Variants in OPHN1 observed in about 807,000 individuals in gnomAD.
OPHN1 encodes the protein oligophrenin-1.
Under a neutral mutation model 60.7 loss-of-function variants are expected in OPHN1, and 11 were observed. The observed-to-expected ratio is 0.18, with a 90% CI of 0.11 to 0.30. The LOEUF (loss-of-function observed/expected upper bound fraction) is 0.30, where lower values mean the gene tolerates loss of function less well. Among genes scored for constraint, OPHN1 ranks in the 10% least tolerant of loss-of-function variants. The probability of loss-of-function intolerance (pLI) is 1.00; values close to 1 mark genes in which losing one functional copy is unlikely to be tolerated. For missense variants in OPHN1, 449 were observed against 611.0 expected (o/e 0.73, Z 2.80); for synonymous variants, 226 against 222.6 (o/e 1.02, Z -0.14).
intron 2 of OPHN1, among the ~76,000 whole-genome samples, chrX:68,344,551 G>T (rs745701893): frequency 9.2e-6 from 1 of 108,637 alleles, no homozygotes; most frequent in South Asian, 4.1e-4. Context: ...GGCAGAGGTT[G>T]TACCGAGCCG....
At chrX:68,268,869 A>C (rs930259407) in intron 5 of OPHN1, among the ~76,000 whole-genome samples, 1 of 112,050 alleles carries the variant, frequency 8.9e-6, no homozygotes, top group African/African-American at 3.2e-5. Context: ...AATCTCCTTT[A>C]GCTGATAGGC....
At chrX:68,257,951 T>C (rs2077872509) in intron 5 of OPHN1, among the ~76,000 whole-genome samples, 1 of 110,275 alleles carries the variant, frequency 9.1e-6, no homozygotes. Flanking sequence ...GGAAACCTCA[T>C]TTCAGCGAGA....
At chrX:68,231,112 A>T (rs1225014757) in intron 6 of OPHN1, among the ~76,000 whole-genome samples, 1 of 111,837 alleles carries the variant, frequency 8.9e-6, no homozygotes, top group African/African-American at 3.2e-5. Context: ...AACAACATGG[A>T]TGGAACTGAA....
intron 15 of OPHN1, among the ~76,000 whole-genome samples, chrX:68,181,826 A>G (rs1234133145): frequency 9.0e-6 from 1 of 111,435 alleles, no homozygotes; most frequent in Non-Finnish European, 1.9e-5. Flanking sequence ...AGACTCCATC[A>G]ATAAATAAAT....
At chrX:68,275,154 A>G (rs2077986694) in intron 4 of OPHN1, among the ~76,000 whole-genome samples, 1 of 112,364 alleles carries the variant, frequency 8.9e-6, no homozygotes, top group African/African-American at 3.2e-5. Context: ...AATACAAGAA[A>G]AGGACAATTG....
intron 2 of OPHN1, among the ~76,000 whole-genome samples, chrX:68,301,877 G>C (rs1281006088): frequency 8.9e-6 from 1 of 112,103 alleles, no homozygotes; most frequent in Admixed American, 9.5e-5. Context: ...TAGGCACTTT[G>C]AACTTTAAGG....
intron 15 of OPHN1, among the ~76,000 whole-genome samples, chrX:68,163,703 A>G (rs1404403836): frequency 9.0e-6 from 1 of 110,577 alleles, no homozygotes; most frequent in Non-Finnish European, 1.9e-5. Context: ...CTTCCTACCA[A>G]CTGTATAGAA....
chrX:68,257,159 T>C (rs1166016473), intron 5 of OPHN1, among the ~76,000 whole-genome samples: 1 of 112,791 alleles, frequency 8.9e-6, no homozygotes, highest in African/African-American at 3.2e-5. Flanking sequence ...TGACTCATTT[T>C]ATTGCACTAT....
chrX:68,266,197 G>A (rs1445021042), intron 5 of OPHN1, among the ~76,000 whole-genome samples: 3 of 110,825 alleles, frequency 2.7e-5, no homozygotes, highest in Admixed American at 9.6e-5. Flanking sequence ...GATACTCCTC[G>A]AGAAGAGCAA....
Position 68,319,037 on chromosome X carries a change from C to T in OPHN1, c.155-19941G>A, listed in dbSNP as rs771608946. On this transcript the variant is annotated intron_variant, in intron 2 of 24. Transcript: ENST00000355520. The stretch of plus-strand genomic sequence containing the variant: ...ATGTTGACCTTGATCACCTGGATAA[C>T]GCAGTGTCAGGTTTCTCCACTCTCA... 6.3e-5 allele frequency among the ~76,000 whole-genome samples: 7 copies of T among 111,591 alleles called. No individual in the cohort carries two copies. The South Asian group carries it at 2.7e-3, about 43-fold the overall frequency.
At chrX:68,404,114 T>A (rs938376718) in intron 2 of OPHN1, among the ~76,000 whole-genome samples, 2 of 110,188 alleles carry the variant, frequency 1.8e-5, no homozygotes, top group Non-Finnish European at 3.8e-5. Flanking sequence ...TGGTATGGGA[T>A]GCCAAAATGG....
At chrX:68,317,367 GAAAGAAAGA>G (rs1569278097) in intron 2 of OPHN1, among the ~76,000 whole-genome samples, 12 of 69,997 alleles carry the variant, frequency 1.7e-4, no homozygotes, top group African/African-American at 8.2e-4. Context: ...AAGAAAGAAA[GAAAGAAAGA>G]AAGGAAGGAA....
intron 2 of OPHN1, among the ~76,000 whole-genome samples, chrX:68,375,261 G>A (rs767162584): frequency 5.4e-5 from 6 of 112,067 alleles, no homozygotes. Flanking sequence ...GGGAGGCTGA[G>A]GCAGGAGGAT....
At chrX:68,119,432 T>A in intron 15 of OPHN1, 100 bp from the exon 16 acceptor site, 1 of 577,891 alleles carries the variant, frequency 1.7e-6, no homozygotes, top group Non-Finnish European at 2.9e-6. Flanking sequence ...CCCTAAGTAG[T>A]TTTTAAGAGA....
At chrX:68,067,566 G>T (rs2076917718) in intron 20 of OPHN1, among the ~76,000 whole-genome samples, 1 of 111,039 alleles carries the variant, frequency 9.0e-6, no homozygotes, top group South Asian at 3.9e-4. Context: ...GAAAAGTAAT[G>T]AAAAATAGGC....
intron 21 of OPHN1, among the ~76,000 whole-genome samples, chrX:68,061,949 A>T (rs959693780): frequency 1.8e-5 from 2 of 112,149 alleles, no homozygotes; most frequent in African/African-American, 6.5e-5. Context: ...AATCCATGGA[A>T]GAAATTTTTC....
At chrX:68,178,490 G>A (rs940876675) in intron 15 of OPHN1, among the ~76,000 whole-genome samples, 2 of 111,294 alleles carry the variant, frequency 1.8e-5, no homozygotes, top group African/African-American at 6.5e-5. Flanking sequence ...TGCAAGCTCC[G>A]CCTCCTGGGT....
intron 21 of OPHN1, among the ~76,000 whole-genome samples, chrX:68,058,266 A>C (rs918050923): frequency 2.7e-5 from 3 of 109,881 alleles, no homozygotes; most frequent in Non-Finnish European, 5.7e-5. Context: ...TCTAACACAC[A>C]CACACACACA....
chrX:68,175,066 G>A (rs1326407944), intron 15 of OPHN1, among the ~76,000 whole-genome samples: 1 of 108,312 alleles, frequency 9.2e-6, no homozygotes, highest in Admixed American at 9.9e-5. Context: ...CCTAGCGACA[G>A]AGCGAGACTC....
Sources: allele counts gnomAD v4.1 joint callset (sites outside exome capture counted in the v4.1 genomes callset), GRCh38; gene constraint gnomAD v4.1.1; transcripts MANE v1.5; gene names NCBI Gene and HGNC (gene_info 2026-07-23, HGNC 2026-07-21).